LAMA2: variants seen among roughly 807,000 people sequenced by gnomAD.
LAMA2 encodes the protein laminin subunit alpha 2.
LAMA2 carries 269 observed loss-of-function variants against 364.8 expected under a neutral mutation model. The ratio of observed to expected loss-of-function variants is 0.74; its 90% CI spans 0.67 to 0.82. The LOEUF (loss-of-function observed/expected upper bound fraction) is 0.82, where lower values mean the gene tolerates loss of function less well. Ranked by LOEUF, LAMA2 falls within the 40% of genes least tolerant of loss-of-function variation. LAMA2 has a pLI of 0.00. For synonymous variants in LAMA2, 1,379 were observed against 1,370.6 expected, an observed-to-expected ratio of 1.01 and a Z score of -0.14; for missense variants, 3,807 against 3,873.2, an observed-to-expected ratio of 0.98 and a Z score of 0.45.
At chr6:129,262,831 T>G (rs1308813960) in intron 15 of LAMA2, among the ~76,000 whole-genome samples, 1 of 152,130 alleles carries the variant, frequency 6.6e-6, no homozygotes, top group Non-Finnish European at 1.5e-5. Context: ...CAAAGACCAT[T>G]AATGTCTTAA....
intron 40 of LAMA2, among the ~76,000 whole-genome samples, chr6:129,415,010 T>C (rs1457984289): frequency 1.3e-5 from 2 of 152,198 alleles, no homozygotes; most frequent in East Asian, 1.9e-4. Context: ...AGTTTCCCAA[T>C]ATAGGTACAT....
chr6:128,894,984 A>G (rs1476482814), intron 1 of LAMA2, among the ~76,000 whole-genome samples: 3 of 152,128 alleles, frequency 2.0e-5, no homozygotes, highest in African/African-American at 2.4e-5. Context: ...TTTGAGCTCT[A>G]CAGGGTTGGA....
intron 1 of LAMA2, among the ~76,000 whole-genome samples, chr6:129,006,037 G>A (rs1000229376): frequency 6.6e-6 from 1 of 151,354 alleles, no homozygotes; most frequent in Non-Finnish European, 1.5e-5. Flanking sequence ...CTTATTTTTC[G>A]CTAAACAACA....
chr6:128,984,344 T>C (rs1783081510), intron 1 of LAMA2, among the ~76,000 whole-genome samples: 1 of 152,192 alleles, frequency 6.6e-6, no homozygotes, highest in South Asian at 2.1e-4. Context: ...GTAACTCTTC[T>C]GAGGCCTCCT....
chr6:129,471,596 C>T (rs564944167), intron 51 of LAMA2, among the ~76,000 whole-genome samples: 4 of 151,818 alleles, frequency 2.6e-5, no homozygotes, highest in Non-Finnish European at 5.9e-5. Context: ...ATACCTTTGC[C>T]GATCTAGATA....
chr6:129,151,909 C>T (rs1778825639), intron 7 of LAMA2, among the ~76,000 whole-genome samples: 1 of 151,980 alleles, frequency 6.6e-6, no homozygotes, highest in Non-Finnish European at 1.5e-5. Context: ...TGTATGTTGC[C>T]CTAAAGATAT....
intron 22 of LAMA2, among the ~76,000 whole-genome samples, chr6:129,308,890 A>G (rs1184606292): frequency 6.6e-6 from 1 of 152,120 alleles, no homozygotes; most frequent in Non-Finnish European, 1.5e-5. Flanking sequence ...AAACAACCAG[A>G]TCTTGCCGGT....
At chr6:129,506,530 C>G (rs954724499) in intron 61 of LAMA2, among the ~76,000 whole-genome samples, 1 of 152,006 alleles carries the variant, frequency 6.6e-6, no homozygotes, top group African/African-American at 2.4e-5. Flanking sequence ...ATTTTGGATT[C>G]AGAATTTAAA....
intron 20 of LAMA2, among the ~76,000 whole-genome samples, chr6:129,294,322 C>T (rs1027924893): frequency 6.6e-6 from 1 of 152,112 alleles, no homozygotes; most frequent in African/African-American, 2.4e-5. Flanking sequence ...ATTCAGAGTG[C>T]TATAAGAGCA....
chr6:128,978,767 C>T (rs1197346674), intron 1 of LAMA2, among the ~76,000 whole-genome samples: 1 of 152,154 alleles, frequency 6.6e-6, no homozygotes, highest in African/African-American at 2.4e-5. Context: ...AGACAGCAGT[C>T]AGTAGACGCT....
chr6:129,298,617 C>A (rs184846303), intron 21 of LAMA2, among the ~76,000 whole-genome samples: 1 of 152,292 alleles, frequency 6.6e-6, no homozygotes, highest in African/African-American at 2.4e-5. Flanking sequence ...TTACTAATGT[C>A]ATGGATTCAA....
chr6:128,922,552 GTTGT>G (rs1165410481), intron 1 of LAMA2, among the ~76,000 whole-genome samples: 1 of 151,474 alleles, frequency 6.6e-6, no homozygotes, highest in Non-Finnish European at 1.5e-5. Flanking sequence ...TGTTGATGGG[GTTGT>G]TTGTTTTTTT....
intron 35 of LAMA2, among the ~76,000 whole-genome samples, chr6:129,389,985 C>T (rs1025581118): frequency 6.6e-6 from 1 of 152,154 alleles, no homozygotes; most frequent in African/African-American, 2.4e-5. Context: ...TAGGTTTCAA[C>T]ATATGAATTT....
intron 12 of LAMA2, among the ~76,000 whole-genome samples, chr6:129,205,491 TATACACACACACACACACACACAC>T (rs1281113833): frequency 2.0e-4 from 25 of 123,090 alleles, no homozygotes; most frequent in African/African-American, 7.6e-4. Flanking sequence ...TATATATATA[TATACACACACACACACACACACAC>T]ACACACACAC....
rs563322559 is a variant in LAMA2 at position 128,917,686 on chromosome 6, A to G, written c.112+34329A>G. ...CTTTATTTTATACTCTCACCCTATT[A>G]TCTGTCCTTTTTCTTTTTTTTTTCT... On this transcript the variant is annotated intron_variant, in intron 1 of 64. Coordinates refer to ENST00000421865, the MANE Select transcript of LAMA2 (RefSeq NM_000426.4). Among the ~76,000 whole-genome samples, 16 of 122,120 alleles carry G rather than the reference A, an allele frequency of 1.3e-4. No homozygotes were observed. In the South Asian group the frequency reaches 2.4e-3, roughly 18 times the overall value. The allele number at this position is 122,120 out of a possible 152,430, so 80.1% of individuals were successfully genotyped here.
chr6:129,445,012 AT>A (rs112329382), intron 44 of LAMA2, among the ~76,000 whole-genome samples: 20 of 152,004 alleles, frequency 1.3e-4, no homozygotes, highest in African/African-American at 4.8e-4. Context: ...GTAACCCTTT[AT>A]TTTTTTTAAC....
rs114942602 is a variant in LAMA2 at position 129,090,863 on chromosome 6, G to T, written c.397-7310G>T. Among the ~76,000 whole-genome samples, 483 of 152,166 alleles carry T rather than the reference G, an allele frequency of 3.2e-3. 2 individuals are homozygous for T. Among genetic ancestry groups the T allele is most frequent in the African/African-American group, 0.011 (468 of 41,484 alleles). On this transcript the variant is annotated intron_variant, in intron 3 of 64. Transcript: ENST00000421865. ...ATGGCCACAGGTCCATCATTTTATG[G>T]GGGCTCCCTTCATAGTAAACTGCAC...
chr6:129,405,980 G>T (rs1306784927), intron 40 of LAMA2, among the ~76,000 whole-genome samples: 1 of 151,892 alleles, frequency 6.6e-6, no homozygotes, highest in African/African-American at 2.4e-5. Context: ...GAAAAACAAA[G>T]AAACAATTTA....
chr6:129,068,966 T>C (rs1773120413), intron 3 of LAMA2, among the ~76,000 whole-genome samples: 3 of 152,176 alleles, frequency 2.0e-5, no homozygotes, highest in Admixed American at 6.5e-5. Context: ...TGTATTTTGA[T>C]CTAAAATGTT....
Sources: gnomAD v4.1 joint callset for allele counts (sites outside exome capture counted in the v4.1 genomes callset) on GRCh38, gnomAD v4.1.1 for gene constraint, MANE v1.5 for transcripts, NCBI Gene and HGNC (gene_info 2026-07-23, HGNC 2026-07-21) for gene names.